IQGAP2: variants seen among roughly 807,000 people sequenced by gnomAD.
The protein encoded by IQGAP2 is ras GTPase-activating-like protein IQGAP2.
In IQGAP2, 173 loss-of-function variants were observed where a neutral mutation model predicts 201.3. That is an observed-to-expected ratio of 0.86 (90% CI 0.76 to 0.98). The LOEUF is 0.98. IQGAP2 is among the 50% of genes least tolerant of loss of function. The pLI is 0.00. For synonymous variants in IQGAP2, 675 were observed against 673.9 expected (o/e 1.00, Z -0.03); for missense variants, 1,687 against 1,864.8 (o/e 0.90, Z 1.76).
chr5:76,692,019 C>G (rs1347268242), intron 30 of IQGAP2, among the ~76,000 whole-genome samples: 1 of 152,136 alleles, frequency 6.6e-6, no homozygotes, highest in Non-Finnish European at 1.5e-5. Context: ...TCTGAAATAA[C>G]TAAAGTTAAA....
chr5:76,597,338 A>G (rs976590991), intron 9 of IQGAP2, 101 bp from the exon 10 acceptor site: 30 of 1,198,680 alleles, frequency 2.5e-5, no homozygotes, highest in Non-Finnish European at 3.5e-5. Context: ...GTTCATGAAA[A>G]GTAACTGCTT....
chr5:76,426,726 A>C (rs1752022641), intron 1 of IQGAP2, among the ~76,000 whole-genome samples: 2 of 152,184 alleles, frequency 1.3e-5, no homozygotes, highest in Non-Finnish European at 2.9e-5. Flanking sequence ...GGCCCCTTCC[A>C]GCTCTCACAG....
intron 1 of IQGAP2, among the ~76,000 whole-genome samples, chr5:76,432,137 T>TTTTTTTTTTTG: frequency 7.3e-6 from 1 of 137,638 alleles, no homozygotes; most frequent in Non-Finnish European, 1.6e-5. Context: ...TCTTTTTTTT[T>TTTTTTTTTTTG]TTTTTTGAGA....
chr5:76,653,352 T>A lies in IQGAP2; in HGVS notation c.2178+519T>A, dbSNP rs114711869. ...CTCATGGATCTGAAAGCCAGAGGAC[T>A]GGACAAAAATCAACTTGGAAATCTA... On this transcript the variant is annotated intron_variant, in intron 18 of 35. Coordinates refer to ENST00000274364, the MANE Select transcript of IQGAP2 (RefSeq NM_006633.5). Among the ~76,000 whole-genome samples, 1,216 of 152,320 alleles carry A rather than the reference T, an allele frequency of 8.0e-3. 15 individuals are homozygous for A. Among genetic ancestry groups the A allele is most frequent in the African/African-American group, 0.027 (1,137 of 41,560 alleles).
At chr5:76,574,453 ACCACCACGCCTGGCTAATGTTGG>A (rs950157043) in intron 4 of IQGAP2, among the ~76,000 whole-genome samples, 2 of 151,918 alleles carry the variant, frequency 1.3e-5, no homozygotes, top group African/African-American at 4.8e-5. Context: ...ACAGGCATGC[ACCACCACGCCTGGCTAATGTTGG>A]CCAGGCTGGT....
intron 17 of IQGAP2, 29 bp downstream of exon 17, chr5:76,641,132 CA>C: frequency 6.7e-7 from 1 of 1,486,022 alleles, no homozygotes. Context: ...ACTGTTTACA[CA>C]AAACTGTCAT....
chr5:76,668,149 C>A (rs1743959331), intron 22 of IQGAP2, among the ~76,000 whole-genome samples: 1 of 152,106 alleles, frequency 6.6e-6, no homozygotes, highest in Non-Finnish European at 1.5e-5. Context: ...TCCCAAAGCG[C>A]TGGAATTATA....
intron 2 of IQGAP2, among the ~76,000 whole-genome samples, chr5:76,504,438 C>T (rs958286885): frequency 3.9e-5 from 6 of 152,162 alleles, no homozygotes; most frequent in Non-Finnish European, 8.8e-5. Context: ...TTGTGTTACT[C>T]TGTATAACCA....
chr5:76,568,324 G>A (rs929995301), intron 3 of IQGAP2, among the ~76,000 whole-genome samples: 1 of 152,158 alleles, frequency 6.6e-6, no homozygotes, highest in Non-Finnish European at 1.5e-5. Context: ...GTAAACGAAA[G>A]TTCCAAGCCT....
chr5:76,403,410 CAG>C lies in IQGAP2; in HGVS notation c.-134_-133del. The C allele has an allele frequency of 1.7e-6, 1 of 579,434 alleles. No individual in the cohort carries two copies. Among genetic ancestry groups the C allele is most frequent in the South Asian group, 4.3e-5 (1 of 23,474 alleles). The allele number at this position is 579,434 out of a possible 1,614,324, so 35.9% of individuals were successfully genotyped here. On this transcript the variant is annotated 5_prime_UTR_variant, in exon 1 of 36. Transcript: ENST00000274364. This position sits in a 1 kb window ranked among gnomAD's most constrained non-coding sequence, Gnocchi z 4.8. ...GAGAGAGCACCGAGGGAGTGGGTCG[CAG>C]ATCTTCGGGCGGCTAGGGGAAATCG...
Position 76,683,682 on chromosome 5 carries a change from G to A in IQGAP2, c.3764-94G>A, listed in dbSNP as rs1000342312. 10 of 1,189,086 alleles carry A rather than the reference G, an allele frequency of 8.4e-6. No individual in the cohort carries two copies. In the African/African-American group the frequency reaches 1.5e-4, roughly 18 times the overall value. The allele number at this position is 1,189,086 out of a possible 1,614,324, so 73.7% of individuals were successfully genotyped here. A position where few individuals can be genotyped will look rare whatever the true frequency, so the allele number is the denominator to read the frequency against. On this transcript the variant is annotated intron_variant, in intron 29 of 35. Transcript: ENST00000274364. ...CCATGATCTCCCATTTAATTACCAA[G>A]CCTATCTTTCCCACAGAACCTTTAT...
rs1364220133 is a variant in IQGAP2 at position 76,701,226 on chromosome 5, T to C, written c.4505+13T>C. The C allele has an allele frequency of 1.9e-6, 3 of 1,613,526 alleles. No homozygotes were observed. Among genetic ancestry groups the C allele is most frequent in the South Asian group, 1.1e-5 (1 of 90,998 alleles). ...TTCAAACAAACCAGTAAGTGTGACC[T>C]GGAATCTGCATAGAACACGCATGCC... On this transcript the variant is annotated intron_variant, in intron 34 of 35. Transcript: ENST00000274364.
intron 1 of IQGAP2, among the ~76,000 whole-genome samples, chr5:76,438,015 T>G (rs1580190012): frequency 3.5e-5 from 2 of 57,812 alleles, no homozygotes; most frequent in East Asian, 3.0e-4. Context: ...GTAGTTTTTT[T>G]TTTTTTTTTT....
chr5:76,490,340 G>C (rs1012415307), intron 2 of IQGAP2, among the ~76,000 whole-genome samples: 1 of 152,134 alleles, frequency 6.6e-6, no homozygotes, highest in Admixed American at 6.5e-5. Context: ...TACTTTGAGG[G>C]GAGAAGGATA....
intron 1 of IQGAP2, among the ~76,000 whole-genome samples, chr5:76,452,905 C>CTTTTTT (rs71604293): frequency 4.1e-4 from 43 of 106,018 alleles, no homozygotes; most frequent in East Asian, 7.3e-4. Context: ...CAATTCCTAT[C>CTTTTTT]TTTTTTTTTT....
chr5:76,471,779 G>A (rs1490152462), intron 2 of IQGAP2, among the ~76,000 whole-genome samples: 1 of 152,128 alleles, frequency 6.6e-6, no homozygotes, highest in Non-Finnish European at 1.5e-5. Flanking sequence ...TGCATGCTTG[G>A]ACCTCACTAT....
intron 7 of IQGAP2, among the ~76,000 whole-genome samples, chr5:76,590,005 G>A (rs917234772): frequency 6.6e-6 from 1 of 152,148 alleles, no homozygotes; most frequent in Non-Finnish European, 1.5e-5. Context: ...AGATTTTAGT[G>A]GTAGAGTTCA....
chr5:76,414,688 T>C (rs1253119874), intron 1 of IQGAP2, among the ~76,000 whole-genome samples: 2 of 152,178 alleles, frequency 1.3e-5, no homozygotes, highest in Non-Finnish European at 2.9e-5. Flanking sequence ...TATATAAAGA[T>C]AATTTTTTCC....
intron 1 of IQGAP2, among the ~76,000 whole-genome samples, chr5:76,436,494 TATATATATATATATATATATA>T (rs1752671713): frequency 5.5e-5 from 1 of 18,338 alleles, no homozygotes; most frequent in African/African-American, 3.2e-4. Context: ...TATATATATA[TATATATATATATATATATATA>T]TATTTTTTTT....
Sources: gnomAD v4.1 joint callset for allele counts (sites outside exome capture counted in the v4.1 genomes callset) on GRCh38, gnomAD v4.1.1 for gene constraint, Gnocchi (gnomAD v3.1) non-coding constraint, MANE v1.5 for transcripts, NCBI Gene and HGNC (gene_info 2026-07-23, HGNC 2026-07-21) for gene names.